Variants in CREG2 observed in about 807,000 individuals in gnomAD.
CREG2 encodes the protein cellular repressor of E1A stimulated genes 2.
Under a neutral mutation model 26.2 loss-of-function variants are expected in CREG2, and 24 were observed. That is an observed-to-expected ratio of 0.92 (90% CI 0.66 to 1.29). CREG2 has a LOEUF of 1.29. CREG2 is among the 50% of genes most tolerant of loss of function. The pLI is 0.00. For missense variants in CREG2, 366 were observed against 398.6 expected (o/e 0.92, Z 0.70); for synonymous variants, 174 against 169.2 (o/e 1.03, Z -0.22).
intron 2 of CREG2, among the ~76,000 whole-genome samples, chr2:101,378,911 C>A (rs1294148421): frequency 6.6e-6 from 1 of 151,774 alleles, no homozygotes; most frequent in African/African-American, 2.4e-5. Context: ...GACGCTGAGG[C>A]AGGAGAATCG....
intron 1 of CREG2, among the ~76,000 whole-genome samples, chr2:101,384,199 A>G (rs903538082): frequency 1.3e-5 from 2 of 152,000 alleles, no homozygotes; most frequent in African/African-American, 4.8e-5. Flanking sequence ...ACTTTCTATT[A>G]TTGTTTCTTT....
chr2:101,372,604 TAAGCACAA>T (rs1354788736), intron 2 of CREG2, among the ~76,000 whole-genome samples: 6 of 152,206 alleles, frequency 3.9e-5, no homozygotes, highest in African/African-American at 1.4e-4. Flanking sequence ...GCCCAGCCTA[TAAGCACAA>T]AAGGACATTG....
chr2:101,359,702 A>T (rs1684513204), intron 2 of CREG2, among the ~76,000 whole-genome samples: 1 of 152,198 alleles, frequency 6.6e-6, no homozygotes, highest in East Asian at 1.9e-4. Flanking sequence ...AAAACAGTTG[A>T]AGAAATTTTA....
intron 2 of CREG2, among the ~76,000 whole-genome samples, chr2:101,356,829 A>T (rs568743220): frequency 1.3e-5 from 2 of 152,168 alleles, no homozygotes; most frequent in African/African-American, 4.8e-5. Context: ...TGACAGAATT[A>T]TCCTAAGACT....
At chr2:101,379,435 G>C (rs1684837323) in intron 2 of CREG2, among the ~76,000 whole-genome samples, 1 of 152,166 alleles carries the variant, frequency 6.6e-6, no homozygotes, top group Non-Finnish European at 1.5e-5. Context: ...TACATCTGCT[G>C]AGCATTTTCT....
intron 2 of CREG2, among the ~76,000 whole-genome samples, chr2:101,357,760 G>A (rs1684483345): frequency 6.6e-6 from 1 of 151,788 alleles, no homozygotes; most frequent in Admixed American, 6.6e-5. Flanking sequence ...AACTCAGAGG[G>A]GTTAAGTTGT....
chr2:101,387,488 C>A lies in CREG2; in HGVS notation c.-31G>T, dbSNP rs568463056. ...AGGCAGCACGCCCGGCCGCCGGGGC[C>A]GCCAGCAGCGCTAGTGCCGGGGAGC... is the stretch of plus-strand genomic sequence containing the variant. On this transcript the variant is annotated 5_prime_UTR_variant, in exon 1 of 4. Transcript: ENST00000324768. The surrounding 1 kb of genome is among the most constrained non-coding windows in gnomAD (Gnocchi z 4.7). The A allele has an allele frequency of 1.2e-6, 1 of 839,860 alleles. No individual in the cohort carries two copies. The highest frequency in any genetic ancestry group is 6.0e-5 in the South Asian group (1 of 16,800). 52.0% of individuals were successfully genotyped at this position (839,860 alleles called of 1,614,324 possible).
intron 2 of CREG2, among the ~76,000 whole-genome samples, chr2:101,368,030 T>C (rs999273312): frequency 1.3e-5 from 2 of 152,158 alleles, no homozygotes; most frequent in Non-Finnish European, 2.9e-5. Context: ...GGCTCAGGCC[T>C]ATAATCCCAG....
In CREG2 at chr2:101,349,422, A is replaced by G. The variant is rs1418148827; in HGVS notation, c.*1501T>C. 4 of 152,684 alleles carry G rather than the reference A, an allele frequency of 2.6e-5. No individual in the cohort carries two copies. The highest frequency in any genetic ancestry group is 4.8e-5 in the African/African-American group (2 of 41,472). 9.5% of individuals were successfully genotyped at this position (152,684 alleles called of 1,614,324 possible). On this transcript the variant is annotated 3_prime_UTR_variant, in exon 4 of 4. Coordinates refer to ENST00000324768, the MANE Select transcript of CREG2 (RefSeq NM_153836.4). ...CTCGTCGTATGTTATTTTGTTAAGC[A>G]AAAGTTCATAATCATTAATAACACT...
intron 2 of CREG2, among the ~76,000 whole-genome samples, chr2:101,369,214 T>C (rs915762222): frequency 6.6e-6 from 1 of 152,060 alleles, no homozygotes; most frequent in Non-Finnish European, 1.5e-5. Flanking sequence ...TGGGAGAATT[T>C]AGAATACAGT....
chr2:101,380,836 C>T (rs1424761323), intron 2 of CREG2, among the ~76,000 whole-genome samples: 1 of 151,828 alleles, frequency 6.6e-6, no homozygotes, highest in African/African-American at 2.4e-5. Context: ...CCCAGCTACT[C>T]GGGAGGCTGA....
chr2:101,354,193 A>G (rs1041697453), intron 3 of CREG2, among the ~76,000 whole-genome samples: 6 of 152,152 alleles, frequency 3.9e-5, no homozygotes, highest in African/African-American at 9.7e-5. Flanking sequence ...GCCTCTTCTC[A>G]TTGCTTATAA....
At position 101,349,137 on chromosome 2, in the gene CREG2, G is replaced by T. The variant is rs1035871218; in HGVS notation, c.*1786C>A. 2.0e-5 allele frequency: 3 copies of T among 152,592 alleles called. No individual in the cohort carries two copies. Among genetic ancestry groups the T allele is most frequent in the Non-Finnish European group, 2.9e-5 (2 of 68,042 alleles). 9.5% of individuals were successfully genotyped at this position (152,592 alleles called of 1,614,324 possible). ...AGGCAGAGAAGCTCCCAGTATTAAG[G>T]TGTGAGGTTGACTTATGCAATACAT... On this transcript the variant is annotated 3_prime_UTR_variant, in exon 4 of 4. Coordinates refer to ENST00000324768, the MANE Select transcript of CREG2 (RefSeq NM_153836.4).
intron 3 of CREG2, among the ~76,000 whole-genome samples, chr2:101,351,382 G>A (rs1398763987): frequency 6.6e-6 from 1 of 152,206 alleles, no homozygotes; most frequent in Non-Finnish European, 1.5e-5. Flanking sequence ...CTCATTACCT[G>A]TCACGTGGAG....
intron 2 of CREG2, among the ~76,000 whole-genome samples, chr2:101,379,264 A>G (rs559114115): frequency 2.2e-4 from 34 of 152,308 alleles, no homozygotes; most frequent in Admixed American, 1.2e-3. Flanking sequence ...AAATATCTGG[A>G]AAAAATCCCT....
intron 3 of CREG2, among the ~76,000 whole-genome samples, chr2:101,354,100 A>T (rs1684419399): frequency 6.6e-6 from 1 of 152,182 alleles, no homozygotes; most frequent in South Asian, 2.1e-4. Flanking sequence ...TGTTCTGCAC[A>T]CGTATCCCAG....
At chr2:101,359,585 TTAACAACC>T (rs1256708529) in intron 2 of CREG2, among the ~76,000 whole-genome samples, 1 of 152,158 alleles carries the variant, frequency 6.6e-6, no homozygotes, top group African/African-American at 2.4e-5. Flanking sequence ...AGAGAGACAG[TTAACAACC>T]ACCTGACCAC....
chr2:101,356,728 G>T (rs1322592273), intron 2 of CREG2, among the ~76,000 whole-genome samples: 2 of 152,112 alleles, frequency 1.3e-5, no homozygotes, highest in Non-Finnish European at 2.9e-5. Flanking sequence ...CTGCACTGGA[G>T]GGTTCCTTAA....
At chr2:101,383,797 C>T in intron 1 of CREG2, 95 bp from the exon 2 acceptor site, 1 of 1,174,334 alleles carries the variant, frequency 8.5e-7, no homozygotes, top group Non-Finnish European at 1.2e-6. Flanking sequence ...AATACAACAC[C>T]AGGGATGAGG....
Sources: gnomAD v4.1 joint callset for allele counts (sites outside exome capture counted in the v4.1 genomes callset) on GRCh38, gnomAD v4.1.1 for gene constraint, Gnocchi (gnomAD v3.1) non-coding constraint, MANE v1.5 for transcripts, NCBI Gene and HGNC (gene_info 2026-07-23, HGNC 2026-07-21) for gene names.